ADAMTS5: variants seen among roughly 807,000 people sequenced by gnomAD.
ADAMTS5 encodes A disintegrin and metalloproteinase with thrombospondin motifs 5.
In ADAMTS5, 54 loss-of-function variants were observed where a neutral mutation model predicts 81.4. That is an observed-to-expected ratio of 0.66 (90% CI 0.53 to 0.83). The LOEUF (loss-of-function observed/expected upper bound fraction) is 0.83. Among genes scored for constraint, ADAMTS5 ranks in the 40% least tolerant of loss-of-function variants. ADAMTS5 has a pLI of 0.00. For synonymous variants in ADAMTS5, 532 were observed against 508.8 expected (o/e 1.05, Z -0.61); for missense variants, 1,194 against 1,229.9 (o/e 0.97, Z 0.44).
At chr21:26,944,011 A>G (rs768281896) in intron 2 of ADAMTS5, among the ~76,000 whole-genome samples, 9 of 152,188 alleles carry the variant, frequency 5.9e-5, no homozygotes, top group Admixed American at 1.3e-4. Context: ...AGTTGCAAAC[A>G]CTTAGTAGAT....
intron 1 of ADAMTS5, among the ~76,000 whole-genome samples, chr21:26,957,814 T>G (rs1987457181): frequency 6.6e-6 from 1 of 152,164 alleles, no homozygotes; most frequent in African/African-American, 2.4e-5. Context: ...TTCATGGTGG[T>G]CTGCACCACC....
chr21:26,931,875 A>G, intron 6 of ADAMTS5, 129 bp downstream of exon 6: 1 of 872,346 alleles, frequency 1.1e-6, no homozygotes, highest in Non-Finnish European at 1.6e-6. Flanking sequence ...AGAGATGAAA[A>G]TAAAAACCTT....
chr21:26,933,081 A>G lies in ADAMTS5; in HGVS notation c.1690-37T>C, dbSNP rs775942548. On this transcript the variant is annotated intron_variant, in intron 4 of 7. Coordinates refer to ENST00000284987, the MANE Select transcript of ADAMTS5 (RefSeq NM_007038.5). ...AATAGAATATATTTTAACTCCAATG[A>G]GAGAAAAACATTGAAAGTGTGCATT... The G allele has an allele frequency of 3.8e-6, 6 of 1,567,344 alleles. No individual in the cohort carries two copies. In the Admixed American group the frequency reaches 6.1e-5, roughly 16 times the overall value.
Position 26,965,942 on chromosome 21 carries a change from C to T in ADAMTS5, c.450G>A (p.Gly150=). ...TGACCGCGAAGAAGCCGTCGAGACCCCCACAGAGGTCAAAGACAGCCAGAG... is the reference window on the plus strand; with the variant it reads ...TGACCGCGAAGAAGCCGTCGAGACCTCCACAGAGGTCAAAGACAGCCAGAG... ...PRSLAVFDLC[G]GLDGFFAVKH... is the part of the protein sequence containing the mutation. Residue 150 remains glycine (G), a synonymous_variant, in exon 1 of 8, where the codon GGG becomes GGA. Coordinates refer to ENST00000284987, the MANE Select transcript of ADAMTS5 (RefSeq NM_007038.5). 6.2e-7 allele frequency: 1 copy of T among 1,613,744 alleles called. No homozygotes were observed. The highest frequency in any genetic ancestry group is 8.5e-7 in the Non-Finnish European group (1 of 1,179,940).
Position 26,967,034 on chromosome 21 carries a change from C to T in ADAMTS5, c.-643G>A, listed in dbSNP as rs908233143. Among the ~76,000 whole-genome samples the T allele has an allele frequency of 5.3e-5, 8 of 152,260 alleles. No homozygotes were observed. The highest frequency in any genetic ancestry group is 8.8e-5 in the Non-Finnish European group (6 of 68,050). ...TCCCTTCGGCTGCGGTCTCCTCCTGCCCGCCGTCATCCCCAGTCGGCAGCT... is the reference window on the plus strand; with the variant it reads ...TCCCTTCGGCTGCGGTCTCCTCCTGTCCGCCGTCATCCCCAGTCGGCAGCT... On this transcript the variant is annotated 5_prime_UTR_variant, in exon 1 of 8. Transcript: ENST00000284987.
At chr21:26,941,426 A>C (rs554545833) in intron 3 of ADAMTS5, among the ~76,000 whole-genome samples, 4 of 152,272 alleles carry the variant, frequency 2.6e-5, no homozygotes, top group African/African-American at 9.6e-5. Context: ...TTAAAAAATC[A>C]GAGCATAGAC....
At chr21:26,957,764 G>A (rs1987456279) in intron 1 of ADAMTS5, among the ~76,000 whole-genome samples, 1 of 152,230 alleles carries the variant, frequency 6.6e-6, no homozygotes. Context: ...GTGTTGGCCA[G>A]GATACAAGAC....
At chr21:26,926,054 G>A (rs561466643) in intron 7 of ADAMTS5, among the ~76,000 whole-genome samples, 4 of 152,252 alleles carry the variant, frequency 2.6e-5, no homozygotes, top group East Asian at 3.9e-4. Context: ...AGAATTCCTC[G>A]AGGTCAGGAG....
At position 26,922,077 on chromosome 21, in the gene ADAMTS5, A is replaced by G. The variant is rs1443450509; in HGVS notation, c.*1976T>C. On this transcript the variant is annotated 3_prime_UTR_variant, in exon 8 of 8. Coordinates refer to ENST00000284987, the MANE Select transcript of ADAMTS5 (RefSeq NM_007038.5). The stretch of plus-strand genomic sequence containing the variant: ...GGGATTATTATTTTTTTTCTCACCT[A>G]TTTAACTAGGTTTGCTTTCTGCCCT... 1 of 151,942 alleles carries G rather than the reference A, an allele frequency of 6.6e-6. No individual in the cohort carries two copies. The highest frequency in any genetic ancestry group is 2.4e-5 in the African/African-American group (1 of 41,396). 9.4% of individuals were successfully genotyped at this position (151,942 alleles called of 1,614,324 possible).
chr21:26,950,332 T>A (rs971760271), intron 2 of ADAMTS5, among the ~76,000 whole-genome samples: 2 of 149,630 alleles, frequency 1.3e-5, no homozygotes, highest in Non-Finnish European at 3.0e-5. Flanking sequence ...ATCTTTATTA[T>A]TACAAGTCAA....
At chr21:26,958,608 G>T (rs1987470807) in intron 1 of ADAMTS5, among the ~76,000 whole-genome samples, 1 of 152,194 alleles carries the variant, frequency 6.6e-6, no homozygotes, top group South Asian at 2.1e-4. Context: ...AGCCCAGATG[G>T]ATTAGGGTCC....
chr21:26,941,627 T>C (rs1197721225), intron 3 of ADAMTS5, among the ~76,000 whole-genome samples: 1 of 152,140 alleles, frequency 6.6e-6, no homozygotes, highest in African/African-American at 2.4e-5. Flanking sequence ...GGTCTCATTT[T>C]AGCCATAAGT....
At position 26,944,127 on chromosome 21, in the gene ADAMTS5, C is replaced by T. The variant is rs79620158; in HGVS notation, c.1238-580G>A. On this transcript the variant is annotated intron_variant, in intron 2 of 7. Coordinates refer to ENST00000284987, the MANE Select transcript of ADAMTS5 (RefSeq NM_007038.5). ...AAGAGAAGTGAAATGAGGAAGTTTC[C>T]GGTTTCTTGCAAAACTAAGCTTGCT... Among the ~76,000 whole-genome samples the T allele has an allele frequency of 7.1e-3, 1,084 of 152,242 alleles. 1 individual carries two copies. The highest frequency in any genetic ancestry group is 0.013 in the Admixed American group (196 of 15,280).
At chr21:26,958,055 C>A (rs541573715) in intron 1 of ADAMTS5, among the ~76,000 whole-genome samples, 1 of 152,274 alleles carries the variant, frequency 6.6e-6, no homozygotes, top group East Asian at 1.9e-4. Context: ...TTGAAAATCC[C>A]AGTGGGCAGT....
chr21:26,938,975 T>G (rs531045589), intron 3 of ADAMTS5, among the ~76,000 whole-genome samples: 1 of 152,242 alleles, frequency 6.6e-6, no homozygotes, highest in Admixed American at 6.5e-5. Flanking sequence ...AATCAATTAA[T>G]GTTCCTAATC....
chr21:26,959,811 AT>A (rs1032714897), intron 1 of ADAMTS5, among the ~76,000 whole-genome samples: 1 of 151,994 alleles, frequency 6.6e-6, no homozygotes, highest in African/African-American at 2.4e-5. Context: ...TCTATTTCTC[AT>A]TTTTTTCTAC....
chr21:26,956,691 A>G (rs233599), intron 1 of ADAMTS5, among the ~76,000 whole-genome samples: 134,056 of 152,114 alleles, frequency 0.88, 59,182 homozygotes, highest in African/African-American at 0.94. Flanking sequence ...TGTTTATATC[A>G]CAATTTGGGG....
Position 26,923,308 on chromosome 21 carries a change from G to A in ADAMTS5, c.*745C>T, listed in dbSNP as rs1046006725. The A allele has an allele frequency of 1.3e-5, 2 of 151,252 alleles. No homozygotes were observed. The highest frequency in any genetic ancestry group is 3.0e-5 in the Non-Finnish European group (2 of 67,742). 9.4% of individuals were successfully genotyped at this position (151,252 alleles called of 1,614,324 possible). ...CTGAAATTATGCATTAATTTGGCTA[G>A]CTACCTGAAAAAAATACAGGCAGTC... is the stretch of plus-strand genomic sequence containing the variant. On this transcript the variant is annotated 3_prime_UTR_variant, in exon 8 of 8. Coordinates refer to ENST00000284987, the MANE Select transcript of ADAMTS5 (RefSeq NM_007038.5).
chr21:26,924,220 G>T lies in ADAMTS5; in HGVS notation c.2626C>A (p.Gln876Lys). 1 of 1,614,218 alleles carries T rather than the reference G, an allele frequency of 6.2e-7. No individual in the cohort carries two copies. Residue 876 changes from glutamine (Q) to lysine (K), a missense_variant, in exon 8 of 8, where the codon CAG becomes AAG. Physicochemically the swap from Gln to Lys is moderately conservative, Grantham distance 53. Transcript: ENST00000284987. Reference sequence around the variant, plus strand: ...CATGGGCCCGTGACCCACTGCGGCTGCGAAGTGTGTGATCCCACTTTATTG... The same window carrying T: ...CATGGGCCCGTGACCCACTGCGGCTTCGAAGTGTGTGATCCCACTTTATTG... The part of the protein sequence containing the change: ...GSNKVGSHTS[Q>K]PQWVTGPWLA...
Sources: allele counts gnomAD v4.1 joint callset (sites outside exome capture counted in the v4.1 genomes callset), GRCh38; gene constraint gnomAD v4.1.1; transcripts MANE v1.5; gene names NCBI Gene and HGNC (gene_info 2026-07-23, HGNC 2026-07-21).